MTUS1: variants seen among roughly 807,000 people sequenced by gnomAD.
The protein encoded by MTUS1 is microtubule associated scaffold protein 1.
Under a neutral mutation model 120.8 loss-of-function variants are expected in MTUS1, and 109 were observed. That is an observed-to-expected ratio of 0.90 (90% CI 0.77 to 1.06). The LOEUF is 1.06. MTUS1 is among the 50% of genes least tolerant of loss of function. The pLI is 0.00. For synonymous variants in MTUS1, 737 were observed against 550.5 expected (o/e 1.34, Z -4.74); for missense variants, 2,210 against 1,486.3 (o/e 1.49, Z -8.01).
At chr8:17,747,577 T>C (rs978878927) in intron 2 of MTUS1, among the ~76,000 whole-genome samples, 8 of 152,162 alleles carry the variant, frequency 5.3e-5, no homozygotes, top group Non-Finnish European at 7.4e-5. Flanking sequence ...TCTAAACCTG[T>C]TTGCCCACTC....
chr8:17,746,597 G>T (rs924491300), intron 2 of MTUS1, among the ~76,000 whole-genome samples: 1 of 152,062 alleles, frequency 6.6e-6, no homozygotes, highest in Middle Eastern at 3.4e-3. Flanking sequence ...AGAACAGTAT[G>T]GGGGAAACCA....
At chr8:17,722,542 G>T (rs976675066) in intron 4 of MTUS1, 1 of 985,220 alleles carries the variant, frequency 1.0e-6, no homozygotes, top group Non-Finnish European at 1.2e-6. Context: ...CAGTATTCCT[G>T]AAGTGCCAGG....
chr8:17,662,349 A>ATTTTTTTTTTTTTTTTTTTTT (rs35308070), intron 8 of MTUS1, among the ~76,000 whole-genome samples: 1 of 112,714 alleles, frequency 8.9e-6, no homozygotes. Flanking sequence ...TTTTGTCCCT[A>ATTTTTTTTTTTTTTTTTTTTT]TTTTTTTTTT....
chr8:17,684,594 A>G, intron 6 of MTUS1, 52 bp from the exon 7 acceptor site: 1 of 1,417,988 alleles, frequency 7.1e-7, no homozygotes. Context: ...AATTTTTAAA[A>G]TCACCACCAC....
At chr8:17,787,151 T>A (rs1186782138) in intron 1 of MTUS1, among the ~76,000 whole-genome samples, 1 of 152,150 alleles carries the variant, frequency 6.6e-6, no homozygotes, top group Non-Finnish European at 1.5e-5. Context: ...CCTGACACCC[T>A]GTCAATTCCA....
intron 6 of MTUS1, among the ~76,000 whole-genome samples, chr8:17,711,517 T>C (rs1276524335): frequency 1.3e-5 from 2 of 152,206 alleles, no homozygotes; most frequent in Admixed American, 1.3e-4. Context: ...AGTTAGGGTC[T>C]CACTCTGGAT....
At chr8:17,694,560 C>A (rs904868914) in intron 6 of MTUS1, among the ~76,000 whole-genome samples, 1 of 151,822 alleles carries the variant, frequency 6.6e-6, no homozygotes, top group Non-Finnish European at 1.5e-5. Context: ...CCCAGCTACT[C>A]GGGAGGCTGA....
In MTUS1 at chr8:17,703,194, G is replaced by C. The variant is rs374222290; in HGVS notation, c.2623+10020C>G. On this transcript the variant is annotated intron_variant, in intron 6 of 14. Coordinates refer to ENST00000693296, the MANE Select transcript of MTUS1 (RefSeq NM_001363059.2). ...ACAGCCATATTTTTCTTCTTGCAGA[G>C]AGCCTATAAATGGACGTGCGAGTAG... Among the ~76,000 whole-genome samples the C allele has an allele frequency of 6.6e-5, 10 of 152,292 alleles. No homozygotes were observed. The South Asian group carries it at 1.0e-3, about 16-fold the overall frequency.
chr8:17,679,213 C>CA (rs1554478108), intron 7 of MTUS1, among the ~76,000 whole-genome samples: 5 of 29,606 alleles, frequency 1.7e-4, no homozygotes, highest in African/African-American at 2.8e-4. Context: ...CACACACACA[C>CA]AAATACCTAT....
rs149658547 is a variant in MTUS1 at position 17,711,203 on chromosome 8, T to A, written c.2623+2011A>T. ...TAGCTTCTAATAAGACAGCTTGTCA[T>A]CTGAAGCCAGGCACTGACTTCTCCT... On this transcript the variant is annotated intron_variant, in intron 6 of 14. Coordinates refer to ENST00000693296, the MANE Select transcript of MTUS1 (RefSeq NM_001363059.2). Among the ~76,000 whole-genome samples, 1,086 of 152,316 alleles carry A rather than the reference T, an allele frequency of 7.1e-3. 10 individuals carry two copies. The highest frequency in any genetic ancestry group is 0.024 in the African/African-American group (1,005 of 41,572).
At chr8:17,647,250 C>A in intron 13 of MTUS1, 171 bp from the exon 14 acceptor site, 3 of 551,304 alleles carry the variant, frequency 5.4e-6, no homozygotes, top group Admixed American at 3.4e-5. Context: ...TTTAAAACAG[C>A]AAAACAGAGC....
chr8:17,647,117 T>TAAAAAAA, intron 13 of MTUS1, 38 bp from the exon 14 acceptor site: 1 of 1,402,624 alleles, frequency 7.1e-7, no homozygotes, highest in Non-Finnish European at 9.7e-7. Context: ...TATACAATAT[T>TAAAAAAA]AAAAAAAAAA....
At chr8:17,654,771 G>A (rs1182232482) in intron 9 of MTUS1, 105 bp from the exon 10 acceptor site, 31 of 750,756 alleles carry the variant, frequency 4.1e-5, no homozygotes, top group Admixed American at 6.4e-5. Context: ...ACAGGTAAGC[G>A]TGGGCTCTAG....
chr8:17,795,828 G>A (rs1338773529), intron 1 of MTUS1, among the ~76,000 whole-genome samples: 1 of 151,796 alleles, frequency 6.6e-6, no homozygotes, highest in Non-Finnish European at 1.5e-5. Flanking sequence ...GTAGAGTCGG[G>A]TTTCACCATG....
At chr8:17,648,401 A>G (rs2130031652) in intron 13 of MTUS1, among the ~76,000 whole-genome samples, 1 of 152,306 alleles carries the variant, frequency 6.6e-6, no homozygotes, top group East Asian at 1.9e-4. Flanking sequence ...GTTTACAGCA[A>G]AGTCTGATTT....
At chr8:17,714,946 C>G (rs1171904334) in intron 5 of MTUS1, among the ~76,000 whole-genome samples, 1 of 131,880 alleles carries the variant, frequency 7.6e-6, no homozygotes, top group East Asian at 2.5e-4. Flanking sequence ...CACTCTGTCA[C>G]CCAGGCGGGA....
At chr8:17,777,816 G>A (rs1029793723) in intron 1 of MTUS1, among the ~76,000 whole-genome samples, 1 of 152,196 alleles carries the variant, frequency 6.6e-6, no homozygotes, top group African/African-American at 2.4e-5. Flanking sequence ...CAGATTTTCA[G>A]TATATTTTCC....
rs1461915578 is a variant in MTUS1 at position 17,649,882 on chromosome 8, A to G, written c.3465T>C (p.His1155=). 1 of 1,607,058 alleles carries G rather than the reference A, an allele frequency of 6.2e-7. No homozygotes were observed. Among genetic ancestry groups the G allele is most frequent in the Non-Finnish European group, 8.5e-7 (1 of 1,173,940 alleles). The change falls in exon 13 of 15, where the codon CAT becomes CAC. Residue 1155 remains histidine (H), a synonymous_variant. Transcript: ENST00000693296. ...AVLEIKNEKL[H]QQDIKLMKME... ...TTTTCATTAACTTGATGTCCTGTTG[A>G]TGCAGTTTCTCATTCTTGATCTCTA... is the stretch of plus-strand genomic sequence containing the variant.
At chr8:17,753,108 A>G (rs2048320174) in intron 2 of MTUS1, among the ~76,000 whole-genome samples, 2 of 152,158 alleles carry the variant, frequency 1.3e-5, no homozygotes, top group African/African-American at 4.8e-5. Context: ...ATATACCAGG[A>G]ATTAATATAT....
Sources: gnomAD v4.1 joint callset for allele counts (sites outside exome capture counted in the v4.1 genomes callset) on GRCh38, gnomAD v4.1.1 for gene constraint, MANE v1.5 for transcripts, NCBI Gene and HGNC (gene_info 2026-07-23, HGNC 2026-07-21) for gene names.